RNPS1: variants seen among roughly 807,000 people sequenced by gnomAD.
The protein encoded by RNPS1 is RNA binding protein with serine rich domain 1.
For missense variants in RNPS1, 300 were observed against 427.6 expected, an observed-to-expected ratio of 0.70 and a Z score of 2.63; for synonymous variants, 147 against 150.0, an observed-to-expected ratio of 0.98 and a Z score of 0.15.
rs140623716 is a variant in RNPS1 at position 2,264,312 on chromosome 16, G to T, written c.91C>A (p.Arg31Ser). Reference sequence around the variant, plus strand: ...GACTTCTCATCTGAGCGGTCTTTGCGTTTGGTAGGTGAAGGAGCCCTGGAT... The same window carrying T: ...GACTTCTCATCTGAGCGGTCTTTGCTTTTGGTAGGTGAAGGAGCCCTGGAT... ...SSTRAPSPTK[R>S]KDRSDEKSKD... The change falls in exon 3 of 8, where the codon CGC becomes AGC. Residue 31 changes from arginine (R) to serine (S), a missense_variant. Coordinates refer to ENST00000320225, the MANE Select transcript of RNPS1 (RefSeq NM_080594.4). 6.2e-7 allele frequency: 1 copy of T among 1,614,134 alleles called. No individual in the cohort carries two copies. Among genetic ancestry groups the T allele is most frequent in the Non-Finnish European group, 8.5e-7 (1 of 1,180,042 alleles).
chr16:2,255,504 G>A, intron 7 of RNPS1, 81 bp downstream of exon 7: 1 of 1,472,000 alleles, frequency 6.8e-7, no homozygotes, highest in Non-Finnish European at 9.1e-7. Flanking sequence ...GGCAGGCAGG[G>A]CTGAATAAAG....
chr16:2,264,213 T>C lies in RNPS1; in HGVS notation c.190A>G (p.Lys64Glu). ...EKDRGRDKTR[K>E]RRSASSGSSS... ...CTACCACTGGAAGCGCTGCGCCTCT[T>C]TCGGGTTTTGTCCCGGCCGCGATCC... The change falls in exon 3 of 8, where the codon AAG becomes GAG. Residue 64 changes from lysine to glutamate, a missense_variant. By Grantham distance (56) the Lys-to-Glu change is moderately conservative (BLOSUM62 1). Transcript: ENST00000320225. The C allele has an allele frequency of 6.2e-7, 1 of 1,613,932 alleles. No homozygotes were observed. Among genetic ancestry groups the C allele is most frequent in the Non-Finnish European group, 8.5e-7 (1 of 1,180,026 alleles).
intron 1 of RNPS1, chr16:2,267,495 G>C: frequency 5.0e-6 from 5 of 1,005,208 alleles, no homozygotes; most frequent in Non-Finnish European, 6.0e-6. Flanking sequence ...GCCTAGCGCC[G>C]ATAATTGCAC....
intron 3 of RNPS1, among the ~76,000 whole-genome samples, chr16:2,263,636 T>C (rs549895707): frequency 6.6e-6 from 1 of 152,238 alleles, no homozygotes; most frequent in Admixed American, 6.5e-5. Context: ...TTTTTTCTTT[T>C]GAGACAGGGT....
At chr16:2,260,829 A>G (rs1004191838) in intron 6 of RNPS1, among the ~76,000 whole-genome samples, 3 of 152,238 alleles carry the variant, frequency 2.0e-5, no homozygotes, top group African/African-American at 7.2e-5. Context: ...AAAAATGGGA[A>G]GCCCCCAAAA....
At chr16:2,255,149 C>G (rs768986220) in intron 7 of RNPS1, among the ~76,000 whole-genome samples, 1 of 152,334 alleles carries the variant, frequency 6.6e-6, no homozygotes, top group Non-Finnish European at 1.5e-5. Flanking sequence ...AGGCTTTCCT[C>G]CTCTTCCCCA....
At chr16:2,263,547 A>G (rs746119813) in intron 3 of RNPS1, among the ~76,000 whole-genome samples, 2 of 152,210 alleles carry the variant, frequency 1.3e-5, no homozygotes, top group Non-Finnish European at 2.9e-5. Context: ...TGGGAGGCAA[A>G]GGACTCTGGC....
intron 7 of RNPS1, among the ~76,000 whole-genome samples, chr16:2,254,683 A>G (rs575357239): frequency 1.9e-4 from 29 of 149,826 alleles, no homozygotes; most frequent in Admixed American, 1.2e-3. Flanking sequence ...CACCCACCTC[A>G]GCCTCCCAAA....
chr16:2,267,932 C>A, intron 1 of RNPS1, 123 bp downstream of exon 1: 1 of 1,529,058 alleles, frequency 6.5e-7, no homozygotes, highest in Non-Finnish European at 8.7e-7. Context: ...GGAGCCCGCA[C>A]CGCGCTGCCA....
chr16:2,263,197 T>C lies in RNPS1; in HGVS notation c.318A>G (p.Ser106=), dbSNP rs377658707. 6.2e-7 allele frequency: 1 copy of C among 1,613,812 alleles called. No individual in the cohort carries two copies. Among genetic ancestry groups the C allele is most frequent in the Admixed American group, 1.7e-5 (1 of 59,968 alleles). The change falls in exon 4 of 8, where the codon TCA becomes TCG. Residue 106 remains serine, a synonymous_variant. Coordinates refer to ENST00000320225, the MANE Select transcript of RNPS1 (RefSeq NM_080594.4). ...GSSSSSASSR[S]GSSSTSRSSS... ...AGCTGCGGGAGGTGCTGGAGCTTCCTGAGCGGCTGGATGCTGAGGAAGAGC... is the reference window on the plus strand; with the variant it reads ...AGCTGCGGGAGGTGCTGGAGCTTCCCGAGCGGCTGGATGCTGAGGAAGAGC...
chr16:2,262,521 G>T, intron 5 of RNPS1, 90 bp from the exon 6 acceptor site: 2 of 1,413,960 alleles, frequency 1.4e-6, no homozygotes, highest in Non-Finnish European at 2.0e-6. Flanking sequence ...TAAAACCTCG[G>T]CAGGGTAAAA....
At chr16:2,266,386 A>C (rs909904166) in intron 1 of RNPS1, 17 of 985,296 alleles carry the variant, frequency 1.7e-5, no homozygotes, top group Non-Finnish European at 1.8e-5. Flanking sequence ...GTCCTCGGAC[A>C]ATCAGTGAGT....
intron 4 of RNPS1, 39 bp from the exon 5 acceptor site, chr16:2,262,881 A>C (rs1443981008): frequency 6.4e-7 from 1 of 1,562,214 alleles, no homozygotes; most frequent in Non-Finnish European, 8.8e-7. Context: ...AATTTCTGTC[A>C]AGTCAAAATG....
intron 7 of RNPS1, among the ~76,000 whole-genome samples, chr16:2,254,398 A>G (rs137863738): frequency 0.02 from 3,012 of 152,016 alleles, 50 homozygotes; most frequent in Middle Eastern, 0.041. Flanking sequence ...GGTTCATGCC[A>G]TTCTCCTGCC....
At chr16:2,262,214 GT>G in intron 6 of RNPS1, 63 bp downstream of exon 6, 1 of 1,519,560 alleles carries the variant, frequency 6.6e-7, no homozygotes, top group Non-Finnish European at 9.0e-7. Flanking sequence ...TTGGAAATCA[GT>G]TTGAAAGCCC....
rs749717567 is a variant in RNPS1, at chr16:2,256,041, C to T, written c.677-315G>A. 125 of 312,876 alleles carry T rather than the reference C, an allele frequency of 4.0e-4. 2 individuals are homozygous for T. Among genetic ancestry groups the T allele is most frequent in the Middle Eastern group, 1.1e-3 (1 of 930 alleles). The allele number at this position is 312,876 out of a possible 1,614,324, so 19.4% of individuals were successfully genotyped here. A position where few individuals can be genotyped will look rare whatever the true frequency, so the allele number is the denominator to read the frequency against. ...TCGGGAGGCTGAGGCAGGAGAATGG[C>T]GTGAACCCGGGAGGCAGAGGCTGCA... is the stretch of plus-strand genomic sequence containing the variant. On this transcript the variant is annotated intron_variant, in intron 6 of 7. Transcript: ENST00000320225.
intron 1 of RNPS1, chr16:2,265,909 G>T (rs1339404729): frequency 6.3e-6 from 1 of 159,848 alleles, no homozygotes; most frequent in Non-Finnish European, 1.3e-5. Context: ...TGCCTGCCAT[G>T]TAAGAGTTTA....
intron 6 of RNPS1, among the ~76,000 whole-genome samples, chr16:2,259,588 C>T (rs531159567): frequency 6.6e-6 from 1 of 152,322 alleles, no homozygotes; most frequent in Admixed American, 6.5e-5. Flanking sequence ...ACATTCAGGA[C>T]TCTTAAAGAG....
rs937420759 is a variant in RNPS1, at chr16:2,267,390, A to T, written c.-118+665T>A. 5 of 984,184 alleles carry T rather than the reference A, an allele frequency of 5.1e-6. No homozygotes were observed. In the African/African-American group the frequency reaches 8.7e-5, roughly 17 times the overall value. The allele number at this position is 984,184 out of a possible 1,614,324, so 61.0% of individuals were successfully genotyped here. A position where few individuals can be genotyped will look rare whatever the true frequency, so the allele number is the denominator to read the frequency against. On this transcript the variant is annotated intron_variant, in intron 1 of 7. Coordinates refer to ENST00000320225, the MANE Select transcript of RNPS1 (RefSeq NM_080594.4). ...AAAGCCTACTCCACGTTTCTCCTCC[A>T]ACAAACTTAACCTTCCCGTATCCGC...
Sources: allele counts gnomAD v4.1 joint callset (sites outside exome capture counted in the v4.1 genomes callset), GRCh38; gene constraint gnomAD v4.1.1; transcripts MANE v1.5; gene names NCBI Gene and HGNC (gene_info 2026-07-23, HGNC 2026-07-21).